The following CCDC141 variants were observed in gnomAD, a reference collection of about 807,000 sequenced individuals.
The protein encoded by CCDC141 is coiled-coil domain containing 141.
Under a neutral mutation model 181.0 loss-of-function variants are expected in CCDC141, and 168 were observed. The observed-to-expected ratio is 0.93, with a 90% CI of 0.82 to 1.05. The LOEUF is 1.05. Among genes scored for constraint, CCDC141 ranks in the 50% least tolerant of loss-of-function variants. CCDC141 has a pLI of 0.00. For missense variants in CCDC141, 1,902 were observed against 1,788.5 expected (o/e 1.06, Z -1.14); for synonymous variants, 666 against 642.3 (o/e 1.04, Z -0.56).
At chr2:178,847,717 T>C (rs1486440822) in intron 21 of CCDC141, among the ~76,000 whole-genome samples, 1 of 152,176 alleles carries the variant, frequency 6.6e-6, no homozygotes, top group Non-Finnish European at 1.5e-5. Context: ...ACTAGTGTTA[T>C]AGCCTGAATG....
rs115928910 is a variant in CCDC141, at chr2:178,858,217, A to G, written c.2725-1820T>C. Among the ~76,000 whole-genome samples, 367 of 152,302 alleles carry G rather than the reference A, an allele frequency of 2.4e-3. 2 individuals are homozygous for G. Among genetic ancestry groups the G allele is most frequent in the African/African-American group, 8.6e-3 (356 of 41,574 alleles). ...AATTTGAACATTATTTCTCTATTAG[A>G]AACTCAGGGGAATATTTAAAAGATC... On this transcript the variant is annotated intron_variant, in intron 17 of 23. Transcript: ENST00000443758.
Position 178,832,884 on chromosome 2 carries a change from A to T in CCDC141, c.*1289T>A, listed in dbSNP as rs1684315646. On this transcript the variant is annotated 3_prime_UTR_variant, in exon 24 of 24. Transcript: ENST00000443758. ...CTACTTCAAGCTTATTTTTAAAAGG[A>T]AGCCAAAAAATGATCTTTTCTGAAT... 2 of 152,302 alleles carry T rather than the reference A, an allele frequency of 1.3e-5. No individual in the cohort carries two copies. Among genetic ancestry groups the T allele is most frequent in the African/African-American group, 4.8e-5 (2 of 41,586 alleles). The allele number at this position is 152,302 out of a possible 1,614,324, so 9.4% of individuals were successfully genotyped here.
chr2:179,010,970 A>G (rs2042253001), intron 2 of CCDC141, among the ~76,000 whole-genome samples: 1 of 152,074 alleles, frequency 6.6e-6, no homozygotes, highest in Non-Finnish European at 1.5e-5. Context: ...CAGCCTGGCC[A>G]ACATGGTGAA....
chr2:178,925,784 T>G (rs528973687), intron 6 of CCDC141, among the ~76,000 whole-genome samples: 12 of 152,284 alleles, frequency 7.9e-5, no homozygotes, highest in African/African-American at 2.9e-4. Context: ...TACAATCAGA[T>G]TGTGCCATGG....
intron 10 of CCDC141, 129 bp downstream of exon 10, chr2:178,886,623 A>G (rs2154370718): frequency 1.7e-6 from 1 of 588,958 alleles, no homozygotes; most frequent in Non-Finnish European, 2.9e-6. Flanking sequence ...TTTTTAAGTC[A>G]TTATGTGCTA....
intron 11 of CCDC141, among the ~76,000 whole-genome samples, chr2:178,881,861 C>T (rs1686623778): frequency 6.6e-6 from 1 of 151,000 alleles, no homozygotes; most frequent in Non-Finnish European, 1.5e-5. Context: ...TGCCACTGCA[C>T]TCCAGCCTGG....
At position 178,982,724 on chromosome 2, in the gene CCDC141, G is replaced by A. The variant is rs185443082; in HGVS notation, c.226-4049C>T. Among the ~76,000 whole-genome samples the A allele has an allele frequency of 2.6e-3, 396 of 152,224 alleles. 5 individuals carry two copies. Among genetic ancestry groups the A allele is most frequent in the African/African-American group, 9.1e-3 (377 of 41,556 alleles). ...GTGACAGACGGCACCTGGAGAATCG[G>A]GTCACTCCCACCCGAATACTGAGCT... On this transcript the variant is annotated intron_variant, in intron 2 of 23. Transcript: ENST00000443758.
chr2:178,914,810 TAATAA>T (rs1013742415), intron 7 of CCDC141, among the ~76,000 whole-genome samples: 6 of 152,146 alleles, frequency 3.9e-5, no homozygotes, highest in African/African-American at 1.2e-4. Flanking sequence ...CACCTTTAAA[TAATAA>T]AATAAATTAT....
At chr2:178,835,985 GCA>G (rs1684461418) in intron 23 of CCDC141, 1 of 152,494 alleles carries the variant, frequency 6.6e-6, no homozygotes, top group South Asian at 2.1e-4. Context: ...CCATCAATGG[GCA>G]CACACAATAA....
rs575583072 is a variant in CCDC141 at position 178,881,890 on chromosome 2, G to GTCTCTCTCTC, written c.1719+3001_1719+3010dup. Among the ~76,000 whole-genome samples, 23 of 94,602 alleles carry GTCTCTCTCTC rather than the reference G, an allele frequency of 2.4e-4. 1 individual carries two copies. Among genetic ancestry groups the GTCTCTCTCTC allele is most frequent in the African/African-American group, 9.7e-4 (19 of 19,572 alleles). The allele number at this position is 94,602 out of a possible 152,430, so 62.1% of individuals were successfully genotyped here. On this transcript the variant is annotated intron_variant, in intron 11 of 23. Coordinates refer to ENST00000443758, the MANE Select transcript of CCDC141 (RefSeq NM_173648.4). ...AGCCTGGGTGACAGAGTGAGACCCT[G>GTCTCTCTCTC]TCTCTCTCTCTCTCTCTCTCTCTCT...
Position 178,905,403 on chromosome 2 carries a change from G to A in CCDC141, c.1191C>T (p.His397=). ...CAGTTGTGCAGTCTTTAATTTTTCT[G>A]TGTAATTCCTCATGCCTCACTGCCA... ...AVLAVRHEEL[H]RKIKDCTTDA... is the part of the protein sequence containing the mutation. Residue 397 remains histidine (H), a synonymous_variant, in exon 8 of 24, where the codon CAC becomes CAT. Transcript: ENST00000443758. The A allele has an allele frequency of 1.9e-6, 3 of 1,550,824 alleles. No individual in the cohort carries two copies. Among genetic ancestry groups the A allele is most frequent in the Non-Finnish European group, 2.6e-6 (3 of 1,146,992 alleles).
intron 11 of CCDC141, among the ~76,000 whole-genome samples, chr2:178,880,183 A>C (rs1464236486): frequency 6.6e-6 from 1 of 152,216 alleles, no homozygotes; most frequent in African/African-American, 2.4e-5. Context: ...CTGTTCAAAA[A>C]AGACTCCTTG....
intron 5 of CCDC141, among the ~76,000 whole-genome samples, chr2:178,953,008 A>G (rs971242852): frequency 1.3e-5 from 2 of 152,254 alleles, no homozygotes; most frequent in Non-Finnish European, 2.9e-5. Flanking sequence ...CCAGATTTGC[A>G]AACATGAAAA....
Position 179,049,122 on chromosome 2 carries a change from A to C in CCDC141, c.102+718T>G, listed in dbSNP as rs543173680. On this transcript the variant is annotated intron_variant, in intron 1 of 23. Coordinates refer to ENST00000443758, the MANE Select transcript of CCDC141 (RefSeq NM_173648.4). The stretch of plus-strand genomic sequence containing the variant: ...ATTTCCATGGAGAATAAAATCATGG[A>C]GTTCTTCTTCAGCCTAAAGATGTGT... Among the ~76,000 whole-genome samples the C allele has an allele frequency of 9.9e-5, 15 of 152,238 alleles. No homozygotes were observed. The South Asian group carries it at 3.1e-3, about 32-fold the overall frequency.
At chr2:179,011,666 A>G (rs919989794) in intron 2 of CCDC141, among the ~76,000 whole-genome samples, 10 of 152,142 alleles carry the variant, frequency 6.6e-5, no homozygotes, top group Non-Finnish European at 5.9e-5. Flanking sequence ...CAACCACAGA[A>G]TACACATTCT....
intron 2 of CCDC141, among the ~76,000 whole-genome samples, chr2:179,000,314 A>G (rs2041930470): frequency 6.6e-6 from 1 of 152,182 alleles, no homozygotes; most frequent in African/African-American, 2.4e-5. Flanking sequence ...TTGGAACACA[A>G]CTATGTCTAC....
In CCDC141 at chr2:178,837,661, G is replaced by A; in HGVS notation, c.3558C>T (p.Asp1186=). 2 of 1,614,062 alleles carry A rather than the reference G, an allele frequency of 1.2e-6. No individual in the cohort carries two copies. Among genetic ancestry groups the A allele is most frequent in the Non-Finnish European group, 1.7e-6 (2 of 1,179,954 alleles). The part of the protein sequence containing the change: ...RLPQDLKVST[D]KEGGVQDLLL... Reference sequence around the variant, plus strand: ...GCAGGTCCTGGACGCCACCCTCCTTGTCAGTGGACACCTTCAGGTCTTGTG... The same window carrying A: ...GCAGGTCCTGGACGCCACCCTCCTTATCAGTGGACACCTTCAGGTCTTGTG... Residue 1186 remains aspartate, a synonymous_variant, in exon 23 of 24, where the codon GAC becomes GAT. Transcript: ENST00000443758.
At chr2:178,945,947 G>A (rs1434176870) in intron 5 of CCDC141, among the ~76,000 whole-genome samples, 1 of 151,866 alleles carries the variant, frequency 6.6e-6, no homozygotes, top group Non-Finnish European at 1.5e-5. Flanking sequence ...CTGACTATGC[G>A]ATCAAAAGGT....
chr2:178,985,608 G>A (rs1356186175), intron 2 of CCDC141, among the ~76,000 whole-genome samples: 2 of 151,850 alleles, frequency 1.3e-5, no homozygotes, highest in African/African-American at 2.4e-5. Context: ...GAATCAAATA[G>A]ATGCAATAAA....
Sources: gnomAD v4.1 joint callset for allele counts (sites outside exome capture counted in the v4.1 genomes callset) on GRCh38, gnomAD v4.1.1 for gene constraint, MANE v1.5 for transcripts, NCBI Gene and HGNC (gene_info 2026-07-23, HGNC 2026-07-21) for gene names.